TRMT11: variants seen among roughly 807,000 people sequenced by gnomAD.
The protein encoded by TRMT11 is tRNA (guanine(10)-N(2))-methyltransferase TRMT11.
A neutral mutation model predicts 62.8 loss-of-function variants in TRMT11; 53 were observed. That is an observed-to-expected ratio of 0.84 (90% CI 0.68 to 1.06). The LOEUF is 1.06. Among genes scored for constraint, TRMT11 ranks in the 50% least tolerant of loss-of-function variants. TRMT11 has a pLI of 0.00. For synonymous variants in TRMT11, 188 were observed against 190.3 expected (o/e 0.99, Z 0.10); for missense variants, 556 against 553.4 (o/e 1.00, Z -0.05).
intron 12 of TRMT11, among the ~76,000 whole-genome samples, chr6:126,024,919 G>C (rs1449352638): frequency 3.3e-5 from 5 of 152,160 alleles, no homozygotes; most frequent in Admixed American, 6.5e-5. Context: ...TAATATAATA[G>C]TAACTAACAT....
chr6:126,175,550 G>A, upstream of TRMT11, among the ~76,000 whole-genome samples: 1 of 152,118 alleles, frequency 6.6e-6, no homozygotes, highest in Non-Finnish European at 1.5e-5. Flanking sequence ...GAAAACTTTG[G>A]ATAAGCATTA....
chr6:126,059,140 T>C (rs1776457646), intron 17 of TRMT11, among the ~76,000 whole-genome samples: 1 of 149,920 alleles, frequency 6.7e-6, no homozygotes, highest in Non-Finnish European at 1.5e-5. Context: ...CGCCTTGGCC[T>C]CCCAAAGTGC....
At chr6:125,996,690 G>A (rs978156065) in intron 3 of TRMT11, among the ~76,000 whole-genome samples, 3 of 152,122 alleles carry the variant, frequency 2.0e-5, no homozygotes, top group Non-Finnish European at 2.9e-5. Flanking sequence ...CAAACAGCTT[G>A]TGTTATCTTT....
intron 12 of TRMT11, among the ~76,000 whole-genome samples, chr6:126,025,485 C>T (rs1008131455): frequency 7.9e-5 from 12 of 152,104 alleles, no homozygotes; most frequent in Non-Finnish European, 1.5e-4. Context: ...ATGGTCTTCC[C>T]TATATAAGAT....
the TRMT11 span, among the ~76,000 whole-genome samples, chr6:126,212,879 T>A: frequency 6.6e-6 from 1 of 152,062 alleles, no homozygotes; most frequent in South Asian, 2.1e-4. Context: ...TTTTCCCATT[T>A]TAAAAATTAG....
intron 21 of TRMT11, among the ~76,000 whole-genome samples, chr6:126,122,090 A>G (rs916547668): frequency 3.1e-4 from 47 of 152,014 alleles, no homozygotes; most frequent in African/African-American, 8.2e-4. Flanking sequence ...TCGTTTTATA[A>G]AGGGGCGTTC....
the TRMT11 span, among the ~76,000 whole-genome samples, chr6:126,270,908 C>T: frequency 1.3e-5 from 2 of 152,144 alleles, no homozygotes; most frequent in African/African-American, 2.4e-5. Context: ...TGTTCTTACT[C>T]TTCAGAGTTT....
At chr6:126,123,901 G>T (rs1281887440) in intron 21 of TRMT11, among the ~76,000 whole-genome samples, 1 of 151,630 alleles carries the variant, frequency 6.6e-6, no homozygotes, top group Non-Finnish European at 1.5e-5. Context: ...TGTACTTTTT[G>T]AGTTTTTTTA....
At chr6:126,023,902 G>A (rs1796181949) in intron 12 of TRMT11, among the ~76,000 whole-genome samples, 1 of 152,000 alleles carries the variant, frequency 6.6e-6, no homozygotes, top group African/African-American at 2.4e-5. Flanking sequence ...ATTTGTGTAC[G>A]AATACAGTTG....
chr6:126,228,120 C>T, the TRMT11 span, among the ~76,000 whole-genome samples: 2 of 152,232 alleles, frequency 1.3e-5, no homozygotes, highest in African/African-American at 2.4e-5. Context: ...TTCCCCATCC[C>T]TCTGTGAGGC....
chr6:126,237,088 A>AGG, the TRMT11 span, among the ~76,000 whole-genome samples: 1 of 152,076 alleles, frequency 6.6e-6, no homozygotes, highest in African/African-American at 2.4e-5. Flanking sequence ...AGAGAGAGAG[A>AGG]GAGAGAGACT....
chr6:126,107,206 G>T, intron 17 of TRMT11, among the ~76,000 whole-genome samples: 1 of 152,138 alleles, frequency 6.6e-6, no homozygotes, highest in South Asian at 2.1e-4. Context: ...TGAAGCATCT[G>T]GTATTTATGT....
chr6:125,992,482 C>G (rs994017462), intron 1 of TRMT11, among the ~76,000 whole-genome samples: 1 of 152,074 alleles, frequency 6.6e-6, no homozygotes, highest in Non-Finnish European at 1.5e-5. Flanking sequence ...CTCTATCAGT[C>G]TTGGTTGACT....
At chr6:126,257,864 A>G in the TRMT11 span, 11 of 1,258,644 alleles carry the variant, frequency 8.7e-6, no homozygotes, top group South Asian at 6.0e-5. Flanking sequence ...TGCTCTTGCT[A>G]TGAGGTCGGG....
intron 17 of TRMT11, among the ~76,000 whole-genome samples, chr6:126,078,660 C>T (rs1037632560): frequency 5.9e-5 from 9 of 152,140 alleles, no homozygotes; most frequent in Non-Finnish European, 1.3e-4. Flanking sequence ...TGAGCATGCA[C>T]GTAGCCCCAT....
At chr6:126,201,350 TTAGA>T (rs2128252896) in intron 3 of TRMT11, among the ~76,000 whole-genome samples, 1 of 152,374 alleles carries the variant, frequency 6.6e-6, no homozygotes, top group African/African-American at 2.4e-5. Context: ...ATTGCTTTCC[TTAGA>T]TAGAACAAAG....
intron 21 of TRMT11, among the ~76,000 whole-genome samples, chr6:126,127,827 A>G (rs1003805433): frequency 1.3e-5 from 2 of 151,958 alleles, no homozygotes; most frequent in Non-Finnish European, 2.9e-5. Flanking sequence ...CCTCTATGCA[A>G]CTAAGCATAA....
chr6:126,082,076 A>C (rs1201677755), intron 17 of TRMT11, among the ~76,000 whole-genome samples: 1 of 152,160 alleles, frequency 6.6e-6, no homozygotes, highest in Non-Finnish European at 1.5e-5. Flanking sequence ...TGTCTGATGC[A>C]CCTAGCCATA....
At chr6:126,114,891 A>G (rs569099010) in intron 19 of TRMT11, among the ~76,000 whole-genome samples, 1 of 152,222 alleles carries the variant, frequency 6.6e-6, no homozygotes, top group Admixed American at 6.5e-5. Flanking sequence ...ACTAAATGGT[A>G]TCACATTTAC....
Sources: gnomAD v4.1 joint callset for allele counts (sites outside exome capture counted in the v4.1 genomes callset) on GRCh38, gnomAD v4.1.1 for gene constraint, MANE v1.5 for transcripts, NCBI Gene and HGNC (gene_info 2026-07-23, HGNC 2026-07-21) for gene names.